Variants in GABRA4 observed in about 807,000 individuals in gnomAD.
The protein encoded by GABRA4 is gamma-aminobutyric acid receptor subunit alpha-4.
In GABRA4, 12 loss-of-function variants were observed where a neutral mutation model predicts 49.7. The ratio of observed to expected loss-of-function variants is 0.24; its 90% confidence interval spans 0.15 to 0.39. The LOEUF is 0.39. Among genes scored for constraint, GABRA4 ranks in the 10% least tolerant of loss-of-function variants. The pLI is 1.00. For missense variants in GABRA4, 506 were observed against 686.0 expected, an observed-to-expected ratio of 0.74 and a Z score of 2.93; for synonymous variants, 288 against 240.2, an observed-to-expected ratio of 1.20 and a Z score of -1.84.
chr4:46,948,809 T>C (rs1383340847), intron 8 of GABRA4, among the ~76,000 whole-genome samples: 1 of 152,194 alleles, frequency 6.6e-6, no homozygotes, highest in East Asian at 1.9e-4. Context: ...ACTTAGGTAA[T>C]GCACATGCTA....
chr4:46,977,662 T>C, intron 3 of GABRA4, 32 bp from the exon 4 acceptor site: 3 of 1,437,738 alleles, frequency 2.1e-6, no homozygotes, highest in Non-Finnish European at 9.7e-7. Flanking sequence ...ATATTTAAGT[T>C]GCAAATGACT....
intron 7 of GABRA4, among the ~76,000 whole-genome samples, chr4:46,969,644 T>G (rs1722881415): frequency 6.6e-6 from 1 of 151,532 alleles, no homozygotes; most frequent in Non-Finnish European, 1.5e-5. Context: ...ACGAACTAAG[T>G]GGTCCAGATA....
intron 8 of GABRA4, among the ~76,000 whole-genome samples, chr4:46,944,893 C>T (rs553199900): frequency 6.6e-6 from 1 of 152,038 alleles, no homozygotes; most frequent in Non-Finnish European, 1.5e-5. Flanking sequence ...CAGTGTCTAA[C>T]TGTTTTCCTT....
At position 46,989,379 on chromosome 4, in the gene GABRA4, A is replaced by G. The variant is rs530248790; in HGVS notation, c.205+3449T>C. ...TGCTATGTCTAGACAGGTGCAAGCTACTTCAGGATGATAGCAACTGATTTA... is the reference window on the plus strand; with the variant it reads ...TGCTATGTCTAGACAGGTGCAAGCTGCTTCAGGATGATAGCAACTGATTTA... On this transcript the variant is annotated intron_variant, in intron 2 of 8. Coordinates refer to ENST00000264318, the MANE Select transcript of GABRA4 (RefSeq NM_000809.4). Among the ~76,000 whole-genome samples, 18 of 152,326 alleles carry G rather than the reference A, an allele frequency of 1.2e-4. 1 individual carries two copies. Among genetic ancestry groups the G allele is most frequent in the Middle Eastern group, 3.4e-3 (1 of 294 alleles).
At chr4:46,972,904 C>T (rs758026837) in intron 6 of GABRA4, among the ~76,000 whole-genome samples, 2 of 151,698 alleles carry the variant, frequency 1.3e-5, no homozygotes, top group Non-Finnish European at 2.9e-5. Context: ...CACATCTTTG[C>T]TCCAGATCTT....
chr4:46,933,649 C>T (rs1721516075), intron 8 of GABRA4, among the ~76,000 whole-genome samples: 1 of 152,144 alleles, frequency 6.6e-6, no homozygotes, highest in Non-Finnish European at 1.5e-5. Flanking sequence ...CTATCTGGCA[C>T]ACGACTCACT....
chr4:46,965,358 A>G lies in GABRA4; in HGVS notation c.875-129T>C, dbSNP rs540803240. ...AACAAAACTACAATAACTCAAAGAA[A>G]ACCATCTTTGATGGAGAATTGGAAT... On this transcript the variant is annotated intron_variant, in intron 7 of 8. Coordinates refer to ENST00000264318, the MANE Select transcript of GABRA4 (RefSeq NM_000809.4). 1.3e-4 allele frequency: 87 copies of G among 692,474 alleles called. 2 individuals carry two copies. In the South Asian group the frequency reaches 3.1e-3, roughly 25 times the overall value. 42.9% of individuals were successfully genotyped at this position (692,474 alleles called of 1,614,324 possible).
chr4:46,939,350 A>G (rs908898915), intron 8 of GABRA4, among the ~76,000 whole-genome samples: 1 of 152,024 alleles, frequency 6.6e-6, no homozygotes, highest in African/African-American at 2.4e-5. Context: ...CAATATTTCT[A>G]CAATGTATTG....
intron 8 of GABRA4, among the ~76,000 whole-genome samples, chr4:46,940,607 T>G (rs1319063735): frequency 6.6e-6 from 1 of 152,052 alleles, no homozygotes; most frequent in African/African-American, 2.4e-5. Flanking sequence ...ATTAGCCTAT[T>G]AACACGATTC....
rs958229497 is a variant in GABRA4, at chr4:46,925,988, T to C, written c.*2237A>G. 1 of 151,544 alleles carries C rather than the reference T, an allele frequency of 6.6e-6. No homozygotes were observed. The highest frequency in any genetic ancestry group is 1.5e-5 in the Non-Finnish European group (1 of 67,740). The allele number at this position is 151,544 out of a possible 1,614,324, so 9.4% of individuals were successfully genotyped here. On this transcript the variant is annotated 3_prime_UTR_variant, in exon 9 of 9. Transcript: ENST00000264318. The stretch of plus-strand genomic sequence containing the variant: ...CTGTAAGATTTGTAGAAGAACACTT[T>C]TTTTTAAAGGAAGCCAATGAATAAC...
At chr4:46,954,601 C>T (rs1178702496) in intron 8 of GABRA4, among the ~76,000 whole-genome samples, 1 of 149,864 alleles carries the variant, frequency 6.7e-6, no homozygotes, top group Non-Finnish European at 1.5e-5. Flanking sequence ...GCATTAGTTA[C>T]AAAGAATGGA....
intron 8 of GABRA4, among the ~76,000 whole-genome samples, chr4:46,930,397 T>C (rs542470864): frequency 4.7e-4 from 71 of 152,160 alleles, no homozygotes; most frequent in African/African-American, 1.6e-3. Context: ...TGATTATCAT[T>C]GATCCTAAAA....
At chr4:46,981,675 G>A (rs924043120) in intron 2 of GABRA4, among the ~76,000 whole-genome samples, 2 of 152,102 alleles carry the variant, frequency 1.3e-5, no homozygotes, top group African/African-American at 2.4e-5. Flanking sequence ...TGCCATTAGG[G>A]CAGTCAGAGT....
intron 8 of GABRA4, among the ~76,000 whole-genome samples, chr4:46,946,894 A>T (rs141677276): frequency 2.6e-4 from 40 of 152,252 alleles, no homozygotes; most frequent in Middle Eastern, 3.4e-3. Context: ...GTTCTAAAGC[A>T]TTGTGGAATT....
chr4:46,989,124 G>A (rs1215289527), intron 2 of GABRA4, among the ~76,000 whole-genome samples: 3 of 152,164 alleles, frequency 2.0e-5, no homozygotes, highest in Non-Finnish European at 4.4e-5. Context: ...TATTTGGAAC[G>A]TTTATTATTC....
chr4:46,963,620 A>G (rs1333416789), intron 8 of GABRA4, among the ~76,000 whole-genome samples: 2 of 151,820 alleles, frequency 1.3e-5, no homozygotes, highest in Non-Finnish European at 2.9e-5. Flanking sequence ...CAGGTATGTC[A>G]TGATCAGCAG....
At chr4:46,934,357 T>C (rs1254160531) in intron 8 of GABRA4, among the ~76,000 whole-genome samples, 1 of 152,162 alleles carries the variant, frequency 6.6e-6, no homozygotes, top group Non-Finnish European at 1.5e-5. Context: ...TCCAAGGTAA[T>C]GATTTACTGA....
chr4:46,967,406 T>A (rs1214699781), intron 7 of GABRA4, among the ~76,000 whole-genome samples: 1 of 151,578 alleles, frequency 6.6e-6, no homozygotes, highest in Non-Finnish European at 1.5e-5. Context: ...GAAGTAGTGT[T>A]CTTCATCTTC....
intron 8 of GABRA4, among the ~76,000 whole-genome samples, chr4:46,935,620 G>A (rs1209873239): frequency 1.3e-5 from 2 of 151,918 alleles, no homozygotes; most frequent in Non-Finnish European, 2.9e-5. Flanking sequence ...GTTGAACAAT[G>A]AGAACACACG....
Sources: allele counts gnomAD v4.1 joint callset (sites outside exome capture counted in the v4.1 genomes callset), GRCh38; gene constraint gnomAD v4.1.1; transcripts MANE v1.5; gene names NCBI Gene and HGNC (gene_info 2026-07-23, HGNC 2026-07-21).